The following VPS13D variants were observed in gnomAD, a reference collection of about 807,000 sequenced individuals.
The protein encoded by VPS13D is intermembrane lipid transfer protein VPS13D.
A neutral mutation model predicts 461.9 loss-of-function variants in VPS13D; 187 were observed. That is an observed-to-expected ratio of 0.40 (90% CI 0.36 to 0.46). The LOEUF (loss-of-function observed/expected upper bound fraction) is 0.46, where lower values mean the gene tolerates loss of function less well. VPS13D is among the 20% of genes least tolerant of loss of function. The pLI is 0.60. For missense variants in VPS13D, 4,711 were observed against 5,364.9 expected (o/e 0.88, Z 3.81); for synonymous variants, 1,951 against 1,986.3 (o/e 0.98, Z 0.47).
At chr1:12,386,949 A>G (rs1371077947) in intron 60 of VPS13D, among the ~76,000 whole-genome samples, 1 of 152,200 alleles carries the variant, frequency 6.6e-6, no homozygotes, top group Non-Finnish European at 1.5e-5. Context: ...TAGAGAGACC[A>G]AGGTATCTAT....
chr1:12,410,489 T>A (rs185591627), intron 63 of VPS13D, among the ~76,000 whole-genome samples: 277 of 152,274 alleles, frequency 1.8e-3, no homozygotes, highest in Non-Finnish European at 2.5e-3. Flanking sequence ...TCATACAAAA[T>A]GTTGCATTCA....
At position 12,481,048 on chromosome 1, in the gene VPS13D, C is replaced by T. The variant is rs373295735; in HGVS notation, c.12663-16452C>T. Among the ~76,000 whole-genome samples the T allele has an allele frequency of 2.6e-4, 40 of 152,276 alleles. 4 individuals are homozygous for T. The highest frequency in any genetic ancestry group is 2.0e-3 in the Admixed American group (30 of 15,292). ...CCTGCCCTCTCTGTCTGCCTTTTGCCCCCAGGTCCAGAGGGAGAAACAAAC... is the reference window on the plus strand; with the variant it reads ...CCTGCCCTCTCTGTCTGCCTTTTGCTCCCAGGTCCAGAGGGAGAAACAAAC... On this transcript the variant is annotated intron_variant, in intron 67 of 69. Coordinates refer to ENST00000620676, the MANE Select transcript of VPS13D (RefSeq NM_015378.4).
At chr1:12,348,750 T>C (rs925508868) in intron 44 of VPS13D, 73 bp from the exon 45 acceptor site, 1 of 1,556,040 alleles carries the variant, frequency 6.4e-7, no homozygotes, top group African/African-American at 1.4e-5. Context: ...AGGTAGACAT[T>C]CTGATCGATA....
At chr1:12,258,575 T>C (rs1640995623) in intron 10 of VPS13D, among the ~76,000 whole-genome samples, 1 of 152,184 alleles carries the variant, frequency 6.6e-6, no homozygotes, top group South Asian at 2.1e-4. Flanking sequence ...AGCTCATGTT[T>C]TAGTTAATAG....
intron 67 of VPS13D, among the ~76,000 whole-genome samples, chr1:12,482,525 A>G (rs999115421): frequency 1.9e-4 from 29 of 152,348 alleles, no homozygotes; most frequent in African/African-American, 6.7e-4. Context: ...GAAAATACAT[A>G]CAATATATGA....
At chr1:12,470,383 G>A (rs1190147034) in intron 67 of VPS13D, among the ~76,000 whole-genome samples, 1 of 152,214 alleles carries the variant, frequency 6.6e-6, no homozygotes, top group Non-Finnish European at 1.5e-5. Flanking sequence ...CACCTCCTGA[G>A]GTGTTAGAGG....
At chr1:12,413,201 GTTGT>G (rs1644751447) in intron 63 of VPS13D, among the ~76,000 whole-genome samples, 2 of 151,928 alleles carry the variant, frequency 1.3e-5, no homozygotes, top group South Asian at 2.1e-4. Context: ...GTTTTTGGTC[GTTGT>G]TTGTTTTAAG....
chr1:12,415,683 G>A (rs1022068029), intron 64 of VPS13D, among the ~76,000 whole-genome samples: 11 of 152,134 alleles, frequency 7.2e-5, no homozygotes, highest in African/African-American at 2.2e-4. Context: ...TAAAGGCAAG[G>A]CATAATCTTC....
At chr1:12,479,235 C>T (rs1478484964) in intron 67 of VPS13D, among the ~76,000 whole-genome samples, 1 of 152,172 alleles carries the variant, frequency 6.6e-6, no homozygotes. Flanking sequence ...GAAAGGGCTG[C>T]CTGTGTTCAA....
chr1:12,504,825 G>A (rs1023986105), intron 68 of VPS13D, among the ~76,000 whole-genome samples: 1 of 152,214 alleles, frequency 6.6e-6, no homozygotes, highest in Non-Finnish European at 1.5e-5. Flanking sequence ...AGGATGGAAA[G>A]CACACTAGTC....
At chr1:12,400,020 A>G (rs1305144654) in intron 60 of VPS13D, among the ~76,000 whole-genome samples, 161 bp from the exon 61 acceptor site, 2 of 152,186 alleles carry the variant, frequency 1.3e-5, no homozygotes, top group South Asian at 2.1e-4. Flanking sequence ...TGCTTACTTT[A>G]TTATGACTGC....
chr1:12,288,335 G>T (rs757159389), intron 22 of VPS13D, 22 bp downstream of exon 22: 17 of 1,608,672 alleles, frequency 1.1e-5, no homozygotes, highest in Non-Finnish European at 1.4e-5. Context: ...GGGGTGGAGG[G>T]AAGCAAACTT....
At chr1:12,374,926 CG>C (rs1361465601) in intron 55 of VPS13D, among the ~76,000 whole-genome samples, 3 of 152,090 alleles carry the variant, frequency 2.0e-5, no homozygotes, top group Non-Finnish European at 2.9e-5. Flanking sequence ...TTAGTAGAGA[CG>C]GGGTTTCGCC....
chr1:12,507,162 C>A lies in VPS13D; in HGVS notation c.13035+69C>A, dbSNP rs147689828. ...GGCCTCGATGCCTCTGCCCTGCTTC[C>A]CCGTCCTCAGCAGGAGCTCATTTAG... On this transcript the variant is annotated intron_variant, in intron 69 of 69. Coordinates refer to ENST00000620676, the MANE Select transcript of VPS13D (RefSeq NM_015378.4). This position sits in a 1 kb window ranked among gnomAD's most constrained non-coding sequence, Gnocchi z 5.3. 6.2e-7 allele frequency: 1 copy of A among 1,609,476 alleles called. No individual in the cohort carries two copies. Among genetic ancestry groups the A allele is most frequent in the South Asian group, 1.1e-5 (1 of 90,628 alleles).
At chr1:12,286,437 A>G (rs1641978837) in intron 21 of VPS13D, among the ~76,000 whole-genome samples, 1 of 152,152 alleles carries the variant, frequency 6.6e-6, no homozygotes, top group Non-Finnish European at 1.5e-5. Context: ...ATTTGCTGTC[A>G]TGTCTTTTAA....
intron 38 of VPS13D, 98 bp downstream of exon 38, chr1:12,333,464 G>A (rs114375394): frequency 8.3e-6 from 12 of 1,442,722 alleles, no homozygotes; most frequent in Admixed American, 2.0e-5. Context: ...ACCTGGGCCT[G>A]TACCAGGCAT....
chr1:12,296,203 T>C (rs1278794085), intron 24 of VPS13D, among the ~76,000 whole-genome samples: 1 of 152,160 alleles, frequency 6.6e-6, no homozygotes, highest in African/African-American at 2.4e-5. Flanking sequence ...TACTGAGCCA[T>C]AGGGTGTGCG....
chr1:12,241,086 G>A (rs147144102), intron 2 of VPS13D, among the ~76,000 whole-genome samples: 9 of 152,138 alleles, frequency 5.9e-5, no homozygotes, highest in African/African-American at 1.7e-4. Context: ...GACTACAGAT[G>A]TGTGCTACCA....
chr1:12,386,572 A>C (rs1040818942), intron 60 of VPS13D, among the ~76,000 whole-genome samples: 5 of 152,158 alleles, frequency 3.3e-5, no homozygotes, highest in Non-Finnish European at 5.9e-5. Context: ...GAGGAAGGTG[A>C]CCCATGGTTC....
Sources: allele counts gnomAD v4.1 joint callset (sites outside exome capture counted in the v4.1 genomes callset), GRCh38; gene constraint gnomAD v4.1.1; non-coding constraint Gnocchi (gnomAD v3.1); transcripts MANE v1.5; gene names NCBI Gene and HGNC (gene_info 2026-07-23, HGNC 2026-07-21).